The following CASQ2 variants were observed in gnomAD, a reference collection of about 807,000 sequenced individuals.
The protein encoded by CASQ2 is calsequestrin 2, also known as calsequestrin-2.
In CASQ2, 49 loss-of-function variants were observed where a neutral mutation model predicts 46.5. That is an observed-to-expected ratio of 1.05 (90% CI 0.84 to 1.34). The LOEUF is 1.34. CASQ2 is among the 40% of genes most tolerant of loss of function. The pLI is 0.00. For synonymous variants in CASQ2, 174 were observed against 168.5 expected, an observed-to-expected ratio of 1.03 and a Z score of -0.25; for missense variants, 486 against 481.3, an observed-to-expected ratio of 1.01 and a Z score of -0.09.
intron 1 of CASQ2, among the ~76,000 whole-genome samples, chr1:115,754,327 T>G (rs1030657557): frequency 3.3e-5 from 5 of 152,162 alleles, no homozygotes; most frequent in Admixed American, 2.0e-4. Context: ...CTGTTGATTG[T>G]TTTTATTGGC....
intron 1 of CASQ2, among the ~76,000 whole-genome samples, chr1:115,753,442 G>A (rs937783555): frequency 3.9e-5 from 6 of 152,178 alleles, no homozygotes; most frequent in Admixed American, 1.3e-4. Context: ...CCCCCATGAG[G>A]CCTCTCATCT....
chr1:115,733,053 G>C, intron 4 of CASQ2, 79 bp from the exon 5 acceptor site: 1 of 1,004,404 alleles, frequency 1.0e-6, no homozygotes, highest in East Asian at 2.4e-5. Flanking sequence ...ATGGTGTAGA[G>C]AGTAGAAAGC....
intron 2 of CASQ2, among the ~76,000 whole-genome samples, chr1:115,742,414 G>C (rs1230200259): frequency 6.6e-6 from 1 of 152,024 alleles, no homozygotes; most frequent in East Asian, 1.9e-4. Flanking sequence ...GGCACAACTT[G>C]ATAGAGGCCA....
chr1:115,759,462 C>T (rs970459608), intron 1 of CASQ2, among the ~76,000 whole-genome samples: 2 of 152,186 alleles, frequency 1.3e-5, no homozygotes, highest in Non-Finnish European at 2.9e-5. Context: ...TCCTCTATTG[C>T]TTTCTGCTTT....
At chr1:115,747,198 C>T (rs1296807125) in intron 1 of CASQ2, among the ~76,000 whole-genome samples, 1 of 151,968 alleles carries the variant, frequency 6.6e-6, no homozygotes, top group African/African-American at 2.4e-5. Flanking sequence ...CAATAGATGT[C>T]CGACTGTTCC....
At chr1:115,765,381 C>A (rs1200141065) in intron 1 of CASQ2, among the ~76,000 whole-genome samples, 1 of 152,116 alleles carries the variant, frequency 6.6e-6, no homozygotes, top group Non-Finnish European at 1.5e-5. Flanking sequence ...CTTAGAGATG[C>A]AGACAAAATA....
chr1:115,742,488 C>T (rs1366712781), intron 2 of CASQ2, among the ~76,000 whole-genome samples: 1 of 152,146 alleles, frequency 6.6e-6, no homozygotes, highest in African/African-American at 2.4e-5. Flanking sequence ...CTCCACTCTC[C>T]TATAAACCCC....
chr1:115,709,917 A>ACTG (rs1220281604), intron 8 of CASQ2, among the ~76,000 whole-genome samples: 4 of 152,130 alleles, frequency 2.6e-5, no homozygotes, highest in African/African-American at 4.8e-5. Context: ...ATCACGGCTC[A>ACTG]CTGCAGTCTT....
At chr1:115,737,482 C>T (rs1421488531) in intron 4 of CASQ2, among the ~76,000 whole-genome samples, 1 of 152,156 alleles carries the variant, frequency 6.6e-6, no homozygotes, top group African/African-American at 2.4e-5. Flanking sequence ...AATGCTGTTC[C>T]TCTCTCCAAG....
intron 8 of CASQ2, among the ~76,000 whole-genome samples, chr1:115,708,598 G>A (rs918660835): frequency 3.3e-5 from 5 of 152,168 alleles, no homozygotes; most frequent in Non-Finnish European, 2.9e-5. Flanking sequence ...CATCTACTTC[G>A]TCGGGTAGTT....
At chr1:115,717,738 G>T (rs921759713) in intron 8 of CASQ2, 102 bp downstream of exon 8, 1 of 904,086 alleles carries the variant, frequency 1.1e-6, no homozygotes, top group African/African-American at 1.6e-5. Flanking sequence ...TCTTGCAGTT[G>T]CATTGTGGAT....
intron 2 of CASQ2, among the ~76,000 whole-genome samples, chr1:115,743,445 T>A (rs1015496654): frequency 1.3e-5 from 2 of 152,138 alleles, no homozygotes; most frequent in African/African-American, 4.8e-5. Context: ...GGTTTTTCTA[T>A]GTTGCCCAAG....
intron 1 of CASQ2, among the ~76,000 whole-genome samples, chr1:115,759,518 C>T (rs1370913595): frequency 6.6e-6 from 1 of 152,188 alleles, no homozygotes; most frequent in Non-Finnish European, 1.5e-5. Context: ...GATGCAGCTG[C>T]CAATTTTGAA....
chr1:115,723,506 C>CT (rs1248051997), intron 7 of CASQ2, among the ~76,000 whole-genome samples: 8 of 152,026 alleles, frequency 5.3e-5, no homozygotes, highest in Non-Finnish European at 1.2e-4. Context: ...ACTATTATAT[C>CT]TTTTTGCTAT....
chr1:115,744,989 T>C lies in CASQ2; in HGVS notation c.235-77A>G, dbSNP rs1254648186. Reference sequence around the variant, plus strand: ...AAATATTACAGGATTACTATCCTCATGTATCAATGGAAGGGTTTCCTCTAT... The same window carrying C: ...AAATATTACAGGATTACTATCCTCACGTATCAATGGAAGGGTTTCCTCTAT... On this transcript the variant is annotated intron_variant, in intron 1 of 10. Coordinates refer to ENST00000261448, the MANE Select transcript of CASQ2 (RefSeq NM_001232.4). 3 of 1,031,482 alleles carry C rather than the reference T, an allele frequency of 2.9e-6. No homozygotes were observed. In the African/African-American group the frequency reaches 4.7e-5, roughly 16 times the overall value. 63.9% of individuals were successfully genotyped at this position (1,031,482 alleles called of 1,614,324 possible). A position where few individuals can be genotyped will look rare whatever the true frequency, so the allele number is the denominator to read the frequency against.
chr1:115,757,406 A>C (rs908716464), intron 1 of CASQ2, among the ~76,000 whole-genome samples: 1 of 152,178 alleles, frequency 6.6e-6, no homozygotes, highest in Non-Finnish European at 1.5e-5. Context: ...GTCTGACCTC[A>C]TCTAATTTTT....
chr1:115,712,783 G>A (rs1654587961), intron 8 of CASQ2, among the ~76,000 whole-genome samples: 1 of 151,496 alleles, frequency 6.6e-6, no homozygotes, highest in African/African-American at 2.4e-5. Flanking sequence ...TTGAACCCGG[G>A]AGGTGGAGGT....
chr1:115,756,181 C>A (rs928506635), intron 1 of CASQ2, among the ~76,000 whole-genome samples: 4 of 152,140 alleles, frequency 2.6e-5, no homozygotes, highest in Middle Eastern at 3.2e-3. Flanking sequence ...GCTTGGGGCA[C>A]CTGGGCAGCA....
At chr1:115,736,732 T>A (rs1647978823) in intron 4 of CASQ2, among the ~76,000 whole-genome samples, 1 of 152,186 alleles carries the variant, frequency 6.6e-6, no homozygotes, top group African/African-American at 2.4e-5. Context: ...GTAATATATT[T>A]CATATTACTT....
Sources: gnomAD v4.1 joint callset for allele counts (sites outside exome capture counted in the v4.1 genomes callset) on GRCh38, gnomAD v4.1.1 for gene constraint, MANE v1.5 for transcripts, NCBI Gene and HGNC (gene_info 2026-07-23, HGNC 2026-07-21) for gene names.